The following IMMP1L variants were observed in gnomAD, a reference collection of about 807,000 sequenced individuals.
IMMP1L encodes mitochondrial inner membrane protease subunit 1.
In IMMP1L, 24 loss-of-function variants were observed where a neutral mutation model predicts 21.8. The observed-to-expected ratio is 1.10, with a 90% CI of 0.80 to 1.55. IMMP1L has a LOEUF of 1.55. IMMP1L is among the 40% of genes most tolerant of loss of function. The probability of loss-of-function intolerance (pLI) is 0.00; values close to 1 mark genes in which losing one functional copy is unlikely to be tolerated. For synonymous variants in IMMP1L, 46 were observed against 62.8 expected (o/e 0.73, Z 1.26); for missense variants, 195 against 200.7 (o/e 0.97, Z 0.17).
chr11:31,437,108 TG>T, intron 4 of IMMP1L: 1 of 439,714 alleles, frequency 2.3e-6, no homozygotes, highest in Non-Finnish European at 4.6e-6. Flanking sequence ...GCATCTTTGC[TG>T]ATCCACCTCT....
chr11:31,455,279 T>G (rs1163178222), intron 4 of IMMP1L, among the ~76,000 whole-genome samples: 1 of 152,162 alleles, frequency 6.6e-6, no homozygotes, highest in African/African-American at 2.4e-5. Context: ...ATAATGTTAG[T>G]TAACAAACAG....
chr11:31,473,845 T>C (rs1355721117), intron 1 of IMMP1L: 1 of 487,350 alleles, frequency 2.1e-6, no homozygotes, highest in Non-Finnish European at 2.7e-6. Flanking sequence ...ATACACATTA[T>C]ACAAGTATGT....
At chr11:31,488,073 G>C (rs1955141734) in intron 1 of IMMP1L, 1 of 151,862 alleles carries the variant, frequency 6.6e-6, no homozygotes, top group Admixed American at 6.6e-5. Flanking sequence ...ACAGTCATAA[G>C]AGTTAAGTTG....
intron 4 of IMMP1L, among the ~76,000 whole-genome samples, chr11:31,438,749 T>A (rs1445774002): frequency 1.3e-5 from 2 of 152,174 alleles, no homozygotes; most frequent in South Asian, 2.1e-4. Flanking sequence ...TTTTTCTGAA[T>A]TTTTTCATTT....
intron 1 of IMMP1L, among the ~76,000 whole-genome samples, chr11:31,464,180 T>C (rs1225356726): frequency 1.3e-5 from 2 of 151,848 alleles, no homozygotes; most frequent in East Asian, 1.9e-4. Flanking sequence ...ACATATACTA[T>C]CTCTGTAAGA....
At chr11:31,466,358 A>G (rs1415932658) in intron 1 of IMMP1L, among the ~76,000 whole-genome samples, 1 of 151,966 alleles carries the variant, frequency 6.6e-6, no homozygotes, top group Non-Finnish European at 1.5e-5. Flanking sequence ...TTCTTTAAAA[A>G]CTCTAGAGAA....
intron 1 of IMMP1L, among the ~76,000 whole-genome samples, chr11:31,464,044 T>C (rs769086199): frequency 7.2e-5 from 11 of 152,140 alleles, no homozygotes; most frequent in Non-Finnish European, 1.5e-4. Context: ...GTTACAACTA[T>C]GTATCATGCA....
chr11:31,479,162 A>G (rs1393908600), intron 1 of IMMP1L, among the ~76,000 whole-genome samples: 1 of 152,082 alleles, frequency 6.6e-6, no homozygotes, highest in Non-Finnish European at 1.5e-5. Flanking sequence ...AAGATTTGCG[A>G]TGGAATTCTT....
At chr11:31,443,004 G>A (rs1477291948) in intron 4 of IMMP1L, among the ~76,000 whole-genome samples, 1 of 152,030 alleles carries the variant, frequency 6.6e-6, no homozygotes, top group Admixed American at 6.6e-5. Context: ...TATGATGAAT[G>A]TATATTAAAA....
chr11:31,463,697 G>A (rs1317936132), intron 1 of IMMP1L, among the ~76,000 whole-genome samples: 2 of 152,060 alleles, frequency 1.3e-5, no homozygotes, highest in East Asian at 3.9e-4. Context: ...AGGAAATAAT[G>A]GAGAAATCAC....
At chr11:31,501,421 T>C (rs1955614463) in intron 1 of IMMP1L, among the ~76,000 whole-genome samples, 1 of 152,164 alleles carries the variant, frequency 6.6e-6, no homozygotes, top group Non-Finnish European at 1.5e-5. Context: ...ACTCTTGTTC[T>C]CTCTTGCTCT....
chr11:31,453,979 T>C (rs183047713), intron 4 of IMMP1L, among the ~76,000 whole-genome samples: 2 of 152,272 alleles, frequency 1.3e-5, no homozygotes, highest in East Asian at 1.9e-4. Context: ...CTGTTCGAAA[T>C]TGGGCAATTT....
At chr11:31,504,878 A>G (rs1230993122) in intron 1 of IMMP1L, among the ~76,000 whole-genome samples, 1 of 152,232 alleles carries the variant, frequency 6.6e-6, no homozygotes, top group Non-Finnish European at 1.5e-5. Flanking sequence ...AACAGGTAAA[A>G]GAAATCTGTG....
chr11:31,462,497 T>C (rs1349382558), intron 2 of IMMP1L, among the ~76,000 whole-genome samples: 1 of 151,942 alleles, frequency 6.6e-6, no homozygotes, highest in Non-Finnish European at 1.5e-5. Flanking sequence ...TTCACTTACA[T>C]GACAAAAGGC....
chr11:31,460,513 A>G (rs1591979637), intron 3 of IMMP1L, 113 bp downstream of exon 3: 1 of 623,930 alleles, frequency 1.6e-6, no homozygotes. Flanking sequence ...CTGGTTATTA[A>G]TATGTTTATT....
chr11:31,485,791 G>T (rs558543030), intron 1 of IMMP1L, among the ~76,000 whole-genome samples: 3 of 151,912 alleles, frequency 2.0e-5, no homozygotes, highest in African/African-American at 7.2e-5. Context: ...TAATTTAGAA[G>T]AAAACAGTCC....
At chr11:31,480,067 C>T (rs1433812936) in intron 1 of IMMP1L, among the ~76,000 whole-genome samples, 1 of 151,980 alleles carries the variant, frequency 6.6e-6, no homozygotes, top group African/African-American at 2.4e-5. Flanking sequence ...AAAAAATTGT[C>T]TCTTGAGCAA....
At chr11:31,433,676 C>A in intron 4 of IMMP1L, 106 bp from the exon 5 acceptor site, 1 of 564,426 alleles carries the variant, frequency 1.8e-6, no homozygotes, top group Non-Finnish European at 3.0e-6. Flanking sequence ...CTAAGGCTCT[C>A]TTTTATAGAA....
chr11:31,437,143 T>G (rs1953151848), intron 4 of IMMP1L: 1 of 451,432 alleles, frequency 2.2e-6, no homozygotes, highest in East Asian at 6.9e-5. Context: ...TGAGTATCTC[T>G]TATCTGAAAT....
Sources: allele counts gnomAD v4.1 joint callset (sites outside exome capture counted in the v4.1 genomes callset), GRCh38; gene constraint gnomAD v4.1.1; transcripts MANE v1.5; gene names NCBI Gene and HGNC (gene_info 2026-07-23, HGNC 2026-07-21).